POT1: variants seen among roughly 807,000 people sequenced by gnomAD.
POT1 encodes the protein protection of telomeres protein 1.
In POT1, 47 loss-of-function variants were observed where a neutral mutation model predicts 78.5. The ratio of observed to expected loss-of-function variants is 0.60; its 90% CI spans 0.47 to 0.76. The LOEUF is 0.76. Ranked by LOEUF, POT1 falls within the 30% of genes least tolerant of loss-of-function variation. POT1 has a pLI of 0.00. For missense variants in POT1, 646 were observed against 749.9 expected (o/e 0.86, Z 1.62); for synonymous variants, 259 against 260.7 (o/e 0.99, Z 0.06).
intron 2 of POT1, among the ~76,000 whole-genome samples, chr7:124,916,487 CAACT>C (rs1797017619): frequency 4.6e-5 from 7 of 151,946 alleles, no homozygotes; most frequent in Admixed American, 4.6e-4. Flanking sequence ...ACAGGGCAAC[CAACT>C]AAGCAGAAAT....
intron 14 of POT1, among the ~76,000 whole-genome samples, chr7:124,839,101 AT>A (rs1335586294): frequency 2.0e-5 from 3 of 152,250 alleles, no homozygotes; most frequent in Non-Finnish European, 2.9e-5. Flanking sequence ...TATTAGGAAA[AT>A]AACAGACAGA....
chr7:124,836,852 G>A (rs147459244), intron 14 of POT1, among the ~76,000 whole-genome samples: 43 of 152,344 alleles, frequency 2.8e-4, no homozygotes, highest in African/African-American at 9.6e-4. Flanking sequence ...TTAATGTAAA[G>A]TCCATGAAAG....
At chr7:124,836,365 A>G (rs1562978413) in intron 14 of POT1, among the ~76,000 whole-genome samples, 1 of 152,136 alleles carries the variant, frequency 6.6e-6, no homozygotes, top group Non-Finnish European at 1.5e-5. Flanking sequence ...TGGAAGCCAG[A>G]GTTCTGCTAT....
At chr7:124,883,281 T>C (rs1584785912) in intron 6 of POT1, among the ~76,000 whole-genome samples, 1 of 152,022 alleles carries the variant, frequency 6.6e-6, no homozygotes, top group Non-Finnish European at 1.5e-5. Context: ...GGTTCTATCT[T>C]ACATAGCCAA....
intron 5 of POT1, among the ~76,000 whole-genome samples, chr7:124,893,208 G>T (rs1459719885): frequency 6.6e-6 from 1 of 151,200 alleles, no homozygotes; most frequent in Non-Finnish European, 1.5e-5. Flanking sequence ...AGAGATTTTG[G>T]TTCTATTTTT....
intron 16 of POT1, chr7:124,829,053 A>G: frequency 1.3e-6 from 1 of 754,016 alleles, no homozygotes; most frequent in East Asian, 2.5e-5. Context: ...AAAGTATGTG[A>G]CGGTGCCTGC....
chr7:124,824,159 G>A, intron 18 of POT1, 85 bp from the exon 19 acceptor site: 2 of 728,420 alleles, frequency 2.7e-6, no homozygotes, highest in Non-Finnish European at 4.4e-6. Context: ...TTACCACTGA[G>A]CTAGAAAAAT....
In POT1 at chr7:124,827,876, C is replaced by CA. The variant is rs565029664; in HGVS notation, c.1595-572dup. ...GAAACCCTGTCTCTACTAAAAATAC[C>CA]AAAAAAAATAGCTAGGCTTGGTAAC... On this transcript the variant is annotated intron_variant, in intron 16 of 18. Transcript: ENST00000357628. Among the ~76,000 whole-genome samples the CA allele has an allele frequency of 7.3e-5, 11 of 150,752 alleles. No individual in the cohort carries two copies. The East Asian group carries it at 7.8e-4, about 11-fold the overall frequency.
intron 15 of POT1, among the ~76,000 whole-genome samples, chr7:124,833,265 C>T (rs1309567632): frequency 6.6e-6 from 1 of 152,080 alleles, no homozygotes; most frequent in Non-Finnish European, 1.5e-5. Flanking sequence ...GTTGGAAGGA[C>T]AGAGGGCAAT....
At chr7:124,841,959 A>G (rs1795038598) in intron 13 of POT1, among the ~76,000 whole-genome samples, 1 of 152,040 alleles carries the variant, frequency 6.6e-6, no homozygotes, top group South Asian at 2.1e-4. Flanking sequence ...CATTTTATTT[A>G]AAGAGATTTT....
intron 5 of POT1, among the ~76,000 whole-genome samples, chr7:124,893,430 T>C (rs2116632709): frequency 6.6e-6 from 1 of 151,576 alleles, no homozygotes; most frequent in Non-Finnish European, 1.5e-5. Context: ...GCTTACAGTA[T>C]AGTAGATAAG....
In POT1 at chr7:124,897,913, TC is replaced by T. The variant is rs1357834063; in HGVS notation, c.-40+347del. Among the ~76,000 whole-genome samples, 21 of 151,878 alleles carry T rather than the reference TC, an allele frequency of 1.4e-4. 1 individual carries two copies. The highest frequency in any genetic ancestry group is 1.4e-3 in the Admixed American group (21 of 15,224). On this transcript the variant is annotated intron_variant, in intron 4 of 18. Coordinates refer to ENST00000357628, the MANE Select transcript of POT1 (RefSeq NM_015450.3). ...CGAATAAAGTAGGAGAAGGAAAAAA[TC>T]CGTTTTACCTAAAGAGGGGTAGTTG...
chr7:124,882,669 G>A (rs1393004566), intron 6 of POT1, among the ~76,000 whole-genome samples: 2 of 147,724 alleles, frequency 1.4e-5, no homozygotes, highest in African/African-American at 5.0e-5. Context: ...AACTGAATGA[G>A]TAAAAGACTG....
chr7:124,929,202 T>G (rs1797347929), intron 1 of POT1, among the ~76,000 whole-genome samples: 1 of 152,216 alleles, frequency 6.6e-6, no homozygotes, highest in African/African-American at 2.4e-5. Context: ...CATTTTCTAC[T>G]TAGCTGCGTA....
At chr7:124,887,611 C>A (rs974615266) in intron 6 of POT1, among the ~76,000 whole-genome samples, 1 of 152,020 alleles carries the variant, frequency 6.6e-6, no homozygotes, top group African/African-American at 2.4e-5. Flanking sequence ...CAACTCCTGG[C>A]ATGCAGGAGA....
intron 2 of POT1, among the ~76,000 whole-genome samples, chr7:124,923,072 G>T (rs1266542266): frequency 6.6e-6 from 1 of 151,390 alleles, no homozygotes; most frequent in Admixed American, 6.6e-5. Flanking sequence ...TACACTAGAT[G>T]CACAGATATC....
At chr7:124,850,294 C>T (rs576593683) in intron 11 of POT1, among the ~76,000 whole-genome samples, 1 of 152,302 alleles carries the variant, frequency 6.6e-6, no homozygotes, top group East Asian at 1.9e-4. Context: ...AAAGCCTGCA[C>T]TTGAATCTGT....
chr7:124,850,187 A>T (rs1390078122), intron 11 of POT1, among the ~76,000 whole-genome samples: 1 of 152,246 alleles, frequency 6.6e-6, no homozygotes, highest in East Asian at 1.9e-4. Context: ...ACACCAGGCC[A>T]AAACGTTATC....
chr7:124,928,427 G>A (rs900611281), intron 2 of POT1, among the ~76,000 whole-genome samples: 3 of 152,150 alleles, frequency 2.0e-5, no homozygotes, highest in Non-Finnish European at 2.9e-5. Flanking sequence ...CTGTTATCCC[G>A]TAAGTTCCAG....
Sources: allele counts gnomAD v4.1 joint callset (sites outside exome capture counted in the v4.1 genomes callset), GRCh38; gene constraint gnomAD v4.1.1; transcripts MANE v1.5; gene names NCBI Gene and HGNC (gene_info 2026-07-23, HGNC 2026-07-21).